Variants in SUMF1 observed in about 807,000 individuals in gnomAD.
SUMF1 encodes sulfatase modifying factor 1.
A neutral mutation model predicts 47.6 loss-of-function variants in SUMF1; 48 were observed. The ratio of observed to expected loss-of-function variants is 1.01; its 90% CI spans 0.80 to 1.28. The LOEUF (loss-of-function observed/expected upper bound fraction) is 1.28, where lower values mean the gene tolerates loss of function less well. Ranked by LOEUF, SUMF1 falls within the 50% of genes most tolerant of loss-of-function variation. The pLI, the probability that SUMF1 is intolerant of heterozygous loss-of-function variation, is 0.00. For missense variants in SUMF1, 571 were observed against 485.4 expected (o/e 1.18, Z -1.66); for synonymous variants, 230 against 192.1 (o/e 1.20, Z -1.63).
intron 8 of SUMF1, among the ~76,000 whole-genome samples, chr3:4,225,978 A>G (rs559370718): frequency 3.5e-4 from 53 of 152,240 alleles, no homozygotes; most frequent in African/African-American, 1.1e-3. Context: ...TGGTGGGAGC[A>G]GAAACAGAAT....
chr3:4,383,641 G>C (rs1422632368), intron 7 of SUMF1, among the ~76,000 whole-genome samples: 2 of 152,082 alleles, frequency 1.3e-5, no homozygotes, highest in African/African-American at 4.8e-5. Context: ...TCAAAGGTTG[G>C]GTATGTTTAT....
intron 8 of SUMF1, among the ~76,000 whole-genome samples, chr3:4,168,561 T>A (rs1464727913): frequency 6.6e-6 from 1 of 152,184 alleles, no homozygotes; most frequent in Non-Finnish European, 1.5e-5. Context: ...GTTAAAAACA[T>A]GGGCTTCCTC....
chr3:4,373,325 G>A (rs1700225012), intron 8 of SUMF1, among the ~76,000 whole-genome samples: 1 of 152,122 alleles, frequency 6.6e-6, no homozygotes, highest in Non-Finnish European at 1.5e-5. Flanking sequence ...GAAAGGCAGA[G>A]ATTATGCCAA....
At chr3:4,259,007 G>C (rs12631905) in intron 8 of SUMF1, among the ~76,000 whole-genome samples, 1 of 147,454 alleles carries the variant, frequency 6.8e-6, no homozygotes, top group African/African-American at 2.5e-5. Flanking sequence ...GTAAACTATC[G>C]CAAGAACAAA....
At chr3:4,393,860 G>GT (rs1263321636) in intron 7 of SUMF1, among the ~76,000 whole-genome samples, 1 of 151,862 alleles carries the variant, frequency 6.6e-6, no homozygotes, top group Admixed American at 6.6e-5. Flanking sequence ...ATTTTGTTCA[G>GT]TTTTGTACTT....
chr3:4,144,236 G>C (rs1004451643), intron 8 of SUMF1, among the ~76,000 whole-genome samples: 5 of 152,134 alleles, frequency 3.3e-5, no homozygotes, highest in Admixed American at 6.5e-5. Context: ...AAAAGTGCTG[G>C]AATTATAGGC....
At chr3:4,328,483 C>T (rs892618650) in intron 8 of SUMF1, among the ~76,000 whole-genome samples, 9 of 152,126 alleles carry the variant, frequency 5.9e-5, no homozygotes, top group Admixed American at 5.2e-4. Flanking sequence ...AAAGGAGGAG[C>T]ATGCACATCT....
intron 8 of SUMF1, among the ~76,000 whole-genome samples, chr3:4,200,436 C>T (rs1483472819): frequency 6.6e-6 from 1 of 152,052 alleles, no homozygotes; most frequent in Non-Finnish European, 1.5e-5. Flanking sequence ...TTCTCTCTCT[C>T]CTGGAGCTGG....
In SUMF1 at chr3:4,089,615, A is replaced by G. The variant is rs534101390; in HGVS notation, c.1015-20870T>C. Among the ~76,000 whole-genome samples, 70 of 152,234 alleles carry G rather than the reference A, an allele frequency of 4.6e-4. 1 individual carries two copies. The highest frequency in any genetic ancestry group is 6.8e-4 in the Non-Finnish European group (46 of 68,036). On this transcript the variant is annotated intron_variant and NMD_transcript_variant, in intron 8 of 12. Transcript: ENST00000448413. ...AATAAAGCACTGGATAAAAAACTAA[A>G]TTGCAGAACAAGGGAAGAATAATAT... is the stretch of plus-strand genomic sequence containing the variant.
At chr3:4,153,008 C>T (rs1330303218) in intron 8 of SUMF1, among the ~76,000 whole-genome samples, 2 of 151,544 alleles carry the variant, frequency 1.3e-5, no homozygotes, top group Non-Finnish European at 2.9e-5. Context: ...AGCAAAAAGC[C>T]TGGTCCTAAA....
chr3:4,465,914 C>A (rs1052082423), intron 1 of SUMF1, among the ~76,000 whole-genome samples: 1 of 152,104 alleles, frequency 6.6e-6, no homozygotes, highest in African/African-American at 2.4e-5. Flanking sequence ...TTACCTCTCA[C>A]CTAAGTCCTA....
chr3:4,375,200 G>T (rs1241242438), intron 8 of SUMF1, among the ~76,000 whole-genome samples: 3 of 145,322 alleles, frequency 2.1e-5, no homozygotes, highest in Non-Finnish European at 3.0e-5. Context: ...TATTACCAAT[G>T]TAGGTCTAAA....
intron 8 of SUMF1, among the ~76,000 whole-genome samples, chr3:4,103,437 G>T (rs1019386137): frequency 2.7e-4 from 41 of 151,996 alleles, no homozygotes; most frequent in Non-Finnish European, 7.4e-5. Context: ...CTCAGAGAAG[G>T]TTTTATGAAA....
At chr3:4,213,691 G>A (rs1695850980) in intron 8 of SUMF1, among the ~76,000 whole-genome samples, 7 of 152,112 alleles carry the variant, frequency 4.6e-5, no homozygotes, top group Admixed American at 4.6e-4. Context: ...ACACACATAG[G>A]CTCAAAATAA....
intron 8 of SUMF1, among the ~76,000 whole-genome samples, chr3:4,253,907 T>A (rs547043961): frequency 1.7e-3 from 259 of 150,116 alleles, no homozygotes; most frequent in Non-Finnish European, 2.7e-3. Context: ...AGCACGCAGC[T>A]GGAGATCTGA....
intron 3 of SUMF1, among the ~76,000 whole-genome samples, chr3:4,436,923 A>G (rs536299147): frequency 1.3e-5 from 2 of 152,256 alleles, no homozygotes; most frequent in East Asian, 3.9e-4. Flanking sequence ...CTTAAAGGCA[A>G]TAATAAATAC....
chr3:4,424,693 T>A (rs2125055477), intron 3 of SUMF1, among the ~76,000 whole-genome samples: 1 of 152,218 alleles, frequency 6.6e-6, no homozygotes, highest in East Asian at 1.9e-4. Flanking sequence ...AATATGAAAA[T>A]AATATACTGT....
intron 8 of SUMF1, among the ~76,000 whole-genome samples, chr3:4,346,032 T>C (rs1699366460): frequency 6.6e-6 from 1 of 151,340 alleles, no homozygotes; most frequent in Admixed American, 6.6e-5. Flanking sequence ...ATAAAACAAA[T>C]TTTTAGAGAT....
intron 3 of SUMF1, among the ~76,000 whole-genome samples, chr3:4,436,968 A>C (rs1170759643): frequency 6.6e-6 from 1 of 152,222 alleles, no homozygotes; most frequent in Non-Finnish European, 1.5e-5. Context: ...TAGTGTGCCA[A>C]AGAAAATAAC....
Sources: gnomAD v4.1 joint callset for allele counts (sites outside exome capture counted in the v4.1 genomes callset) on GRCh38, gnomAD v4.1.1 for gene constraint, MANE v1.5 for transcripts, NCBI Gene and HGNC (gene_info 2026-07-23, HGNC 2026-07-21) for gene names.